Variants in BCAS3 observed in about 807,000 individuals in gnomAD.
BCAS3 encodes BCAS4/BCAS3 fusion.
In BCAS3, 53 loss-of-function variants were observed where a neutral mutation model predicts 116.1. The observed-to-expected ratio is 0.46, with a 90% confidence interval of 0.37 to 0.57. The LOEUF is 0.57. Among genes scored for constraint, BCAS3 ranks in the 20% least tolerant of loss-of-function variants. BCAS3 has a pLI of 0.00. For missense variants in BCAS3, 917 were observed against 1,165.4 expected (o/e 0.79, Z 3.10); for synonymous variants, 391 against 408.2 (o/e 0.96, Z 0.51).
intron 22 of BCAS3, among the ~76,000 whole-genome samples, chr17:61,283,609 A>G (rs894979368): frequency 6.6e-6 from 1 of 151,924 alleles, no homozygotes; most frequent in Non-Finnish European, 1.5e-5. Context: ...GACCGCCACC[A>G]TGCCTGGCTA....
intron 7 of BCAS3, among the ~76,000 whole-genome samples, chr17:60,836,664 T>C (rs2051402137): frequency 1.3e-5 from 2 of 152,220 alleles, no homozygotes; most frequent in South Asian, 2.1e-4. Flanking sequence ...TTGGAATTTT[T>C]CATTAATATG....
In BCAS3 at chr17:61,128,759, T is replaced by C. The variant is rs948826235; in HGVS notation, c.2425+44195T>C. 3.3e-5 allele frequency among the ~76,000 whole-genome samples: 5 copies of C among 152,040 alleles called. No individual in the cohort carries two copies. The South Asian group carries it at 8.3e-4, about 25-fold the overall frequency. On this transcript the variant is annotated intron_variant, in intron 22 of 23. Coordinates refer to ENST00000407086, the MANE Select transcript of BCAS3 (RefSeq NM_017679.5). This position sits in a 1 kb window ranked among gnomAD's most constrained non-coding sequence, Gnocchi z 4.1. ...ACATCATCGTGCTAGCTGGTAGAAT[T>C]TTTTCCCCCAGGAAAAAAAAATCGG...
rs1185685149 is a variant in BCAS3 at position 61,051,266 on chromosome 17, A to G, written c.2029+10374A>G. ...AATGACAAAATTATAGAGATAGATA[A>G]TAGATTAGTGGTGCCCAGGGATTAG... On this transcript the variant is annotated intron_variant, in intron 19 of 23. Coordinates refer to ENST00000407086, the MANE Select transcript of BCAS3 (RefSeq NM_017679.5). The surrounding 1 kb of genome is among the most constrained non-coding windows in gnomAD (Gnocchi z 4.1). 6.6e-6 allele frequency among the ~76,000 whole-genome samples: 1 copy of G among 152,018 alleles called. No individual in the cohort carries two copies. The highest frequency in any genetic ancestry group is 1.5e-5 in the Non-Finnish European group (1 of 67,978).
chr17:61,384,767 C>G (rs2059766351), intron 23 of BCAS3: 1 of 152,292 alleles, frequency 6.6e-6, no homozygotes, highest in Non-Finnish European at 1.5e-5. Context: ...TTTCTCAGTC[C>G]CTGCTAGCCC....
Position 61,101,372 on chromosome 17 carries a change from G to A in BCAS3, c.2425+16808G>A, listed in dbSNP as rs569284210. 3.3e-5 allele frequency among the ~76,000 whole-genome samples: 5 copies of A among 152,170 alleles called. No homozygotes were observed. In the South Asian group the frequency reaches 6.2e-4, roughly 19 times the overall value. ...GATAGGCCAAGGTCATTACCTTTCC[G>A]TCTACTTATGGGAAAATTCAAACTA... On this transcript the variant is annotated intron_variant, in intron 22 of 23. Coordinates refer to ENST00000407086, the MANE Select transcript of BCAS3 (RefSeq NM_017679.5).
At chr17:61,148,073 G>T (rs2077341144) in intron 22 of BCAS3, among the ~76,000 whole-genome samples, 1 of 152,100 alleles carries the variant, frequency 6.6e-6, no homozygotes, top group African/African-American at 2.4e-5. Flanking sequence ...ATTCCACAAG[G>T]AACATTGTTG....
chr17:60,983,521 T>C (rs1473313339), intron 14 of BCAS3, among the ~76,000 whole-genome samples: 1 of 152,188 alleles, frequency 6.6e-6, no homozygotes, highest in Non-Finnish European at 1.5e-5. Flanking sequence ...CATTTATATA[T>C]GCTGATATGT....
intron 5 of BCAS3, among the ~76,000 whole-genome samples, chr17:60,713,837 T>C (rs2038221826): frequency 6.6e-6 from 1 of 152,134 alleles, no homozygotes; most frequent in African/African-American, 2.4e-5. Flanking sequence ...CTTTTTTTGT[T>C]TGTTGTTTGT....
At position 60,845,563 on chromosome 17, in the gene BCAS3, C is replaced by T. The variant is rs779320729; in HGVS notation, c.477-23013C>T. ...CAGTTCTCCTGGTTTCTGCTTCATT[C>T]TAAAACATTTATTGACGGTAAACTA... On this transcript the variant is annotated intron_variant, in intron 7 of 23. Transcript: ENST00000407086. Among the ~76,000 whole-genome samples the T allele has an allele frequency of 3.3e-5, 5 of 152,158 alleles. No individual in the cohort carries two copies. The South Asian group carries it at 1.0e-3, about 31-fold the overall frequency.
Position 61,037,198 on chromosome 17 carries a change from G to T in BCAS3, c.1763-691G>T, listed in dbSNP as rs1291935741. Among the ~76,000 whole-genome samples, 3 of 152,174 alleles carry T rather than the reference G, an allele frequency of 2.0e-5. No homozygotes were observed. The highest frequency in any genetic ancestry group is 7.2e-5 in the African/African-American group (3 of 41,436). On this transcript the variant is annotated intron_variant, in intron 17 of 23. Coordinates refer to ENST00000407086, the MANE Select transcript of BCAS3 (RefSeq NM_017679.5). The surrounding 1 kb of genome is among the most constrained non-coding windows in gnomAD (Gnocchi z 4.7). Reference sequence around the variant, plus strand: ...ACTAACCTTTCATGCAAGTCATTTGGTACATGCAGGGTAACTAAATCCTAG... The same window carrying T: ...ACTAACCTTTCATGCAAGTCATTTGTTACATGCAGGGTAACTAAATCCTAG...
chr17:60,841,734 T>G (rs2051950252), intron 7 of BCAS3, among the ~76,000 whole-genome samples: 1 of 151,980 alleles, frequency 6.6e-6, no homozygotes, highest in African/African-American at 2.4e-5. Context: ...AACTGGTTCA[T>G]TACCTTAGGT....
chr17:60,908,857 T>A (rs2058334094), intron 11 of BCAS3, among the ~76,000 whole-genome samples: 1 of 152,208 alleles, frequency 6.6e-6, no homozygotes, highest in African/African-American at 2.4e-5. Context: ...TTATGGATTT[T>A]AATTTTTCCT....
At chr17:61,147,017 C>A (rs557036454) in intron 22 of BCAS3, among the ~76,000 whole-genome samples, 69 of 152,060 alleles carry the variant, frequency 4.5e-4, no homozygotes, top group Admixed American at 7.9e-4. Context: ...CAGGCTCAAG[C>A]AACCCTCCCG....
At chr17:60,761,364 G>T (rs1034560031) in intron 6 of BCAS3, among the ~76,000 whole-genome samples, 3 of 151,430 alleles carry the variant, frequency 2.0e-5, no homozygotes, top group Non-Finnish European at 4.4e-5. Flanking sequence ...CCGCCCCCAT[G>T]CCCCCACTCC....
chr17:61,225,762 G>A (rs1568611507), intron 22 of BCAS3, among the ~76,000 whole-genome samples: 2 of 152,062 alleles, frequency 1.3e-5, no homozygotes, highest in South Asian at 2.1e-4. Flanking sequence ...TAGGTGTCTT[G>A]TATTTGATGC....
intron 7 of BCAS3, among the ~76,000 whole-genome samples, chr17:60,849,058 G>A (rs2052802053): frequency 6.6e-6 from 1 of 152,088 alleles, no homozygotes; most frequent in South Asian, 2.1e-4. Flanking sequence ...TTATTCCCCA[G>A]TATATTAGTC....
In BCAS3 at chr17:61,227,293, C is replaced by T. The variant is rs1489845434; in HGVS notation, c.2426-141034C>T. Among the ~76,000 whole-genome samples the T allele has an allele frequency of 6.6e-6, 1 of 152,172 alleles. No homozygotes were observed. Among genetic ancestry groups the T allele is most frequent in the Non-Finnish European group, 1.5e-5 (1 of 68,046 alleles). The stretch of plus-strand genomic sequence containing the variant: ...GCAGATACTCATACATATACAATGT[C>T]GCATGTGCTTTCAGGGGTTTCAGGA... On this transcript the variant is annotated intron_variant, in intron 22 of 23. Transcript: ENST00000407086. The surrounding 1 kb of genome is among the most constrained non-coding windows in gnomAD (Gnocchi z 6.1).
chr17:61,372,209 AT>A (rs1162744097), intron 23 of BCAS3, among the ~76,000 whole-genome samples: 10 of 151,990 alleles, frequency 6.6e-5, no homozygotes, highest in Admixed American at 6.6e-5. Flanking sequence ...CCCCGCCCCC[AT>A]TCTCAGTTTG....
intron 13 of BCAS3, among the ~76,000 whole-genome samples, chr17:60,945,487 A>T (rs1567933187): frequency 1.3e-5 from 2 of 152,192 alleles, no homozygotes; most frequent in Non-Finnish European, 2.9e-5. Context: ...CAGAAATTGA[A>T]TTAATAGAAT....
Sources: gnomAD v4.1 joint callset for allele counts (sites outside exome capture counted in the v4.1 genomes callset) on GRCh38, gnomAD v4.1.1 for gene constraint, Gnocchi (gnomAD v3.1) non-coding constraint, MANE v1.5 for transcripts, NCBI Gene and HGNC (gene_info 2026-07-23, HGNC 2026-07-21) for gene names.